The following GRID1 variants were observed in gnomAD, a reference collection of about 807,000 sequenced individuals.
The protein encoded by GRID1 is glutamate receptor ionotropic, delta-1.
GRID1 carries 28 observed loss-of-function variants against 98.0 expected under a neutral mutation model. The observed-to-expected ratio is 0.29, with a 90% CI of 0.21 to 0.39. GRID1 has a LOEUF of 0.39. GRID1 is among the 10% of genes least tolerant of loss of function. GRID1 has a pLI of 1.00. For missense variants in GRID1, 1,111 were observed against 1,340.5 expected, an observed-to-expected ratio of 0.83 and a Z score of 2.67; for synonymous variants, 553 against 538.5, an observed-to-expected ratio of 1.03 and a Z score of -0.37.
At chr10:86,282,060 C>T (rs948940248) in intron 2 of GRID1, among the ~76,000 whole-genome samples, 3 of 152,210 alleles carry the variant, frequency 2.0e-5, no homozygotes, top group East Asian at 1.9e-4. Context: ...CACAGAGTGG[C>T]GCCTTGGACA....
At chr10:85,652,831 C>T (rs772373869) in intron 12 of GRID1, among the ~76,000 whole-genome samples, 3 of 152,090 alleles carry the variant, frequency 2.0e-5, no homozygotes, top group Non-Finnish European at 2.9e-5. Context: ...TTCATTCACT[C>T]GTCATTCAAA....
At chr10:85,635,831 G>A (rs1266421897) in intron 13 of GRID1, among the ~76,000 whole-genome samples, 2 of 152,348 alleles carry the variant, frequency 1.3e-5, no homozygotes, top group African/African-American at 2.4e-5. Context: ...CAGCCTGGCA[G>A]GCAGAGAAAG....
chr10:86,261,980 C>T (rs1332531785), intron 2 of GRID1, among the ~76,000 whole-genome samples: 1 of 152,252 alleles, frequency 6.6e-6, no homozygotes, highest in Non-Finnish European at 1.5e-5. Flanking sequence ...TCATGCCAGT[C>T]TCACAAAGTG....
chr10:85,931,083 T>C (rs372274745), intron 4 of GRID1, among the ~76,000 whole-genome samples: 16 of 152,136 alleles, frequency 1.1e-4, no homozygotes, highest in African/African-American at 3.6e-4. Context: ...CTGCAGGCCT[T>C]AGCCTCCCAA....
chr10:86,215,859 C>T (rs547206849), intron 2 of GRID1, among the ~76,000 whole-genome samples: 43 of 152,176 alleles, frequency 2.8e-4, no homozygotes, highest in African/African-American at 1.0e-3. Context: ...TAGCCATGCT[C>T]CCCACTGCAA....
chr10:86,132,713 A>G (rs1564685277), intron 4 of GRID1, among the ~76,000 whole-genome samples: 1 of 152,236 alleles, frequency 6.6e-6, no homozygotes, highest in African/African-American at 2.4e-5. Flanking sequence ...TACCTTTGCT[A>G]TAAATGTATT....
chr10:86,204,374 A>G (rs1845996058), intron 3 of GRID1, among the ~76,000 whole-genome samples: 1 of 152,190 alleles, frequency 6.6e-6, no homozygotes, highest in Non-Finnish European at 1.5e-5. Flanking sequence ...TCACTGCATC[A>G]CCAGGCAGTC....
intron 2 of GRID1, among the ~76,000 whole-genome samples, chr10:86,288,974 T>A (rs1009823510): frequency 2.0e-5 from 3 of 152,186 alleles, no homozygotes; most frequent in African/African-American, 7.2e-5. Context: ...CACCCCACCA[T>A]GTCTGTCCAG....
intron 8 of GRID1, among the ~76,000 whole-genome samples, chr10:85,751,683 C>T (rs1012917448): frequency 3.3e-5 from 5 of 152,028 alleles, no homozygotes; most frequent in African/African-American, 1.2e-4. Context: ...ACCATATACA[C>T]ATTTAATATT....
chr10:85,844,420 TACACACACAC>T (rs55706189), intron 8 of GRID1, among the ~76,000 whole-genome samples: 16,168 of 133,782 alleles, frequency 0.12, 968 homozygotes, highest in African/African-American at 0.18. Context: ...TACAACTAAA[TACACACACAC>T]ACACACACAC....
chr10:86,319,429 C>T (rs1482931281), intron 2 of GRID1, among the ~76,000 whole-genome samples: 1 of 152,176 alleles, frequency 6.6e-6, no homozygotes, highest in East Asian at 1.9e-4. Context: ...CATCCCAGCT[C>T]ACTCAGCCAG....
intron 8 of GRID1, among the ~76,000 whole-genome samples, chr10:85,802,703 G>A (rs1842587583): frequency 6.6e-6 from 1 of 150,820 alleles, no homozygotes; most frequent in African/African-American, 2.4e-5. Flanking sequence ...CTTAAAAGCA[G>A]AAATAAATAT....
intron 12 of GRID1, among the ~76,000 whole-genome samples, chr10:85,658,517 C>G (rs1181388848): frequency 3.3e-5 from 5 of 152,186 alleles, no homozygotes; most frequent in Non-Finnish European, 7.3e-5. Flanking sequence ...CTGCTTGATA[C>G]AAAAACCTGT....
Position 85,599,802 on chromosome 10 carries a change from A to ATATAT in GRID1, c.*2470_*2471insATATA, listed in dbSNP as rs1554857296. The ATATAT allele has an allele frequency of 4.6e-5, 3 of 65,000 alleles. No homozygotes were observed. The highest frequency in any genetic ancestry group is 1.9e-4 in the African/African-American group (2 of 10,730). The allele number at this position is 65,000 out of a possible 1,614,324, so 4.0% of individuals were successfully genotyped here. A position where few individuals can be genotyped will look rare whatever the true frequency, so the allele number is the denominator to read the frequency against. On this transcript the variant is annotated 3_prime_UTR_variant, in exon 16 of 16. Transcript: ENST00000327946. ...GTAGAAAATTCTAAAAAAAAAAAAA[A>ATATAT]ATATATATATATATATATAAACATG...
At chr10:86,021,552 T>C (rs953111171) in intron 4 of GRID1, among the ~76,000 whole-genome samples, 3 of 152,006 alleles carry the variant, frequency 2.0e-5, no homozygotes, top group Middle Eastern at 3.2e-3. Context: ...CAGTATTAGG[T>C]CCACAGCAAA....
chr10:85,633,855 A>G (rs1843003023), intron 13 of GRID1, among the ~76,000 whole-genome samples: 1 of 152,148 alleles, frequency 6.6e-6, no homozygotes, highest in African/African-American at 2.4e-5. Flanking sequence ...ACAGCTTTGT[A>G]AAGTCAAAAG....
chr10:86,007,070 T>C (rs1181816227), intron 4 of GRID1, among the ~76,000 whole-genome samples: 1 of 152,190 alleles, frequency 6.6e-6, no homozygotes, highest in Non-Finnish European at 1.5e-5. Flanking sequence ...TCTCATGTTC[T>C]AGGAGCTGCA....
intron 3 of GRID1, among the ~76,000 whole-genome samples, chr10:86,180,621 C>CA (rs1310745940): frequency 6.6e-6 from 1 of 152,124 alleles, no homozygotes; most frequent in Non-Finnish European, 1.5e-5. Flanking sequence ...CAAGTGCACC[C>CA]ACTTCCTAGG....
intron 2 of GRID1, among the ~76,000 whole-genome samples, chr10:86,340,829 G>A (rs2132109646): frequency 6.6e-6 from 1 of 152,234 alleles, no homozygotes; most frequent in Admixed American, 6.5e-5. Flanking sequence ...GCCTGGAGGC[G>A]GTGGCCCTGG....
Sources: allele counts gnomAD v4.1 joint callset (sites outside exome capture counted in the v4.1 genomes callset), GRCh38; gene constraint gnomAD v4.1.1; transcripts MANE v1.5; gene names NCBI Gene and HGNC (gene_info 2026-07-23, HGNC 2026-07-21).